JAZF1: variants seen among roughly 807,000 people sequenced by gnomAD.
The protein encoded by JAZF1 is JAZF zinc finger 1, also known as juxtaposed with another zinc finger protein 1.
A neutral mutation model predicts 26.4 loss-of-function variants in JAZF1; 8 were observed. The observed-to-expected ratio is 0.30, with a 90% CI of 0.18 to 0.55. The LOEUF (loss-of-function observed/expected upper bound fraction) is 0.55. JAZF1 is among the 20% of genes least tolerant of loss of function. The pLI is 0.94. For synonymous variants in JAZF1, 126 were observed against 122.3 expected (o/e 1.03, Z -0.20); for missense variants, 199 against 322.0 (o/e 0.62, Z 2.92).
chr7:28,003,825 C>T (rs1181752134), intron 1 of JAZF1, among the ~76,000 whole-genome samples: 1 of 152,048 alleles, frequency 6.6e-6, no homozygotes, highest in Non-Finnish European at 1.5e-5. Flanking sequence ...TTTCCCTTGA[C>T]TCAAATATAA....
chr7:28,135,859 GT>G (rs1310067378), intron 1 of JAZF1, among the ~76,000 whole-genome samples: 1 of 152,154 alleles, frequency 6.6e-6, no homozygotes, highest in Non-Finnish European at 1.5e-5. Context: ...ATGTAACTAG[GT>G]GGATGGAGAT....
chr7:27,957,835 T>C (rs1369872203), intron 2 of JAZF1, among the ~76,000 whole-genome samples: 1 of 152,240 alleles, frequency 6.6e-6, no homozygotes, highest in Non-Finnish European at 1.5e-5. Flanking sequence ...AATTTGCTAA[T>C]TGAAAATTCT....
intron 3 of JAZF1, chr7:27,843,059 C>T (rs1461709146): frequency 2.0e-5 from 3 of 152,344 alleles, no homozygotes; most frequent in Non-Finnish European, 4.4e-5. Flanking sequence ...CCAGGCAGGG[C>T]AGGAAGGGGA....
At chr7:28,105,582 C>T (rs77740984) in intron 1 of JAZF1, among the ~76,000 whole-genome samples, 2,175 of 152,252 alleles carry the variant, frequency 0.014, 20 homozygotes, top group Non-Finnish European at 0.022. Context: ...CACCCTAAGG[C>T]TCCTTTAGAA....
intron 3 of JAZF1, among the ~76,000 whole-genome samples, chr7:27,888,666 T>C (rs773240004): frequency 6.6e-6 from 1 of 152,154 alleles, no homozygotes; most frequent in Non-Finnish European, 1.5e-5. Context: ...CAATTTATTG[T>C]AAAAGCCATA....
intron 1 of JAZF1, chr7:28,020,622 A>T: frequency 2.1e-6 from 1 of 471,258 alleles, no homozygotes; most frequent in Non-Finnish European, 4.4e-6. Context: ...AGCATTTCAA[A>T]AGCATCAAAC....
At chr7:28,019,898 C>T (rs773669799) in intron 1 of JAZF1, among the ~76,000 whole-genome samples, 5 of 152,090 alleles carry the variant, frequency 3.3e-5, no homozygotes, top group African/African-American at 4.8e-5. Flanking sequence ...AGTTTACCAG[C>T]TAGTAGTTAA....
At chr7:28,049,196 C>T (rs1783550785) in intron 1 of JAZF1, among the ~76,000 whole-genome samples, 1 of 151,536 alleles carries the variant, frequency 6.6e-6, no homozygotes, top group Non-Finnish European at 1.5e-5. Flanking sequence ...GATTCTCCTG[C>T]CTCAGTCTCC....
At chr7:28,005,938 T>C (rs1471789259) in intron 1 of JAZF1, among the ~76,000 whole-genome samples, 2 of 151,640 alleles carry the variant, frequency 1.3e-5, no homozygotes, top group Non-Finnish European at 1.5e-5. Flanking sequence ...TGGTAGTTAC[T>C]GACAGTCTGC....
At chr7:27,865,700 A>G (rs754817837) in intron 3 of JAZF1, among the ~76,000 whole-genome samples, 49 of 152,078 alleles carry the variant, frequency 3.2e-4, no homozygotes, top group Non-Finnish European at 5.0e-4. Context: ...AGCCCTCCCC[A>G]CCAGGAACCT....
At chr7:28,048,253 C>T (rs1452965344) in intron 1 of JAZF1, among the ~76,000 whole-genome samples, 1 of 152,152 alleles carries the variant, frequency 6.6e-6, no homozygotes, top group African/African-American at 2.4e-5. Context: ...CTCCCTCTTA[C>T]CCTCAAGTAA....
chr7:28,155,430 C>G (rs190784313), intron 1 of JAZF1, among the ~76,000 whole-genome samples: 2 of 152,342 alleles, frequency 1.3e-5, no homozygotes, highest in East Asian at 3.9e-4. Flanking sequence ...GATAGAGGCA[C>G]AAGTCCATTA....
chr7:28,102,244 C>G (rs1476129125), intron 1 of JAZF1, among the ~76,000 whole-genome samples: 2 of 152,206 alleles, frequency 1.3e-5, no homozygotes, highest in Non-Finnish European at 1.5e-5. Flanking sequence ...GCAAGGTAAC[C>G]ACAAGCAAAT....
intron 2 of JAZF1, among the ~76,000 whole-genome samples, chr7:27,963,204 C>G (rs990934871): frequency 6.6e-6 from 1 of 152,204 alleles, no homozygotes; most frequent in African/African-American, 2.4e-5. Flanking sequence ...ATACAGCATT[C>G]TGCAAACATT....
chr7:28,090,850 C>T (rs1412154499), intron 1 of JAZF1, among the ~76,000 whole-genome samples: 2 of 126,302 alleles, frequency 1.6e-5, no homozygotes, highest in African/African-American at 3.0e-5. Flanking sequence ...GACGGAGTCT[C>T]GCTCTGTCAC....
At chr7:28,093,300 T>C (rs1212942896) in intron 1 of JAZF1, among the ~76,000 whole-genome samples, 1 of 152,144 alleles carries the variant, frequency 6.6e-6, no homozygotes, top group Non-Finnish European at 1.5e-5. Context: ...CGAGATCTGA[T>C]GGTTTTATAA....
intron 1 of JAZF1, among the ~76,000 whole-genome samples, chr7:28,107,503 T>C (rs1426399374): frequency 6.6e-6 from 1 of 152,156 alleles, no homozygotes; most frequent in Non-Finnish European, 1.5e-5. Flanking sequence ...ACATACAGCA[T>C]GAAACAGCCA....
At chr7:27,999,860 A>G (rs1786096743) in intron 1 of JAZF1, among the ~76,000 whole-genome samples, 1 of 152,182 alleles carries the variant, frequency 6.6e-6, no homozygotes, top group Non-Finnish European at 1.5e-5. Flanking sequence ...GCCCATGGTA[A>G]ATGACTTTAC....
chr7:27,982,754 G>T (rs1785612055), intron 2 of JAZF1, among the ~76,000 whole-genome samples: 1 of 152,168 alleles, frequency 6.6e-6, no homozygotes, highest in African/African-American at 2.4e-5. Context: ...TCCAGAGGAA[G>T]GATCAGGCAG....
Sources: allele counts gnomAD v4.1 joint callset (sites outside exome capture counted in the v4.1 genomes callset), GRCh38; gene constraint gnomAD v4.1.1; transcripts MANE v1.5; gene names NCBI Gene and HGNC (gene_info 2026-07-23, HGNC 2026-07-21).